The following ETV6 variants were observed in gnomAD, a reference collection of about 807,000 sequenced individuals.
The protein encoded by ETV6 is transcription factor ETV6.
In ETV6, 16 loss-of-function variants were observed where a neutral mutation model predicts 51.1. That is an observed-to-expected ratio of 0.31 (90% CI 0.21 to 0.48). The LOEUF (loss-of-function observed/expected upper bound fraction) is 0.48, where lower values mean the gene tolerates loss of function less well. Ranked by LOEUF, ETV6 falls within the 20% of genes least tolerant of loss-of-function variation. ETV6 has a pLI of 0.99. For missense variants in ETV6, 458 were observed against 594.8 expected (o/e 0.77, Z 2.39); for synonymous variants, 240 against 224.1 (o/e 1.07, Z -0.64).
intron 2 of ETV6, among the ~76,000 whole-genome samples, chr12:11,792,025 G>A (rs1355947617): frequency 6.6e-6 from 1 of 152,206 alleles, no homozygotes; most frequent in Non-Finnish European, 1.5e-5. Flanking sequence ...ACAGCAAGAT[G>A]AAGCAAGGAG....
intron 5 of ETV6, among the ~76,000 whole-genome samples, chr12:11,880,953 TAC>T (rs1347698590): frequency 6.6e-6 from 1 of 152,158 alleles, no homozygotes; most frequent in African/African-American, 2.4e-5. Context: ...CCCCTAGAGA[TAC>T]AGTCTCACTC....
At chr12:11,858,452 A>G (rs1946664823) in intron 4 of ETV6, among the ~76,000 whole-genome samples, 2 of 151,914 alleles carry the variant, frequency 1.3e-5, no homozygotes, top group South Asian at 4.1e-4. Flanking sequence ...CTACTGGAAT[A>G]TTGGCCCCCC....
intron 1 of ETV6, among the ~76,000 whole-genome samples, chr12:11,679,159 A>G (rs1864478002): frequency 6.6e-6 from 1 of 152,232 alleles, no homozygotes; most frequent in African/African-American, 2.4e-5. Context: ...TACAATTTCT[A>G]ACACAATCTG....
At chr12:11,863,765 A>AG (rs1432613609) in intron 4 of ETV6, among the ~76,000 whole-genome samples, 1 of 152,182 alleles carries the variant, frequency 6.6e-6, no homozygotes, top group African/African-American at 2.4e-5. Context: ...GTAAGTTTCC[A>AG]TGCCCTGCTG....
At chr12:11,734,174 G>A (rs1865657574) in intron 1 of ETV6, among the ~76,000 whole-genome samples, 1 of 152,190 alleles carries the variant, frequency 6.6e-6, no homozygotes, top group Non-Finnish European at 1.5e-5. Context: ...ACAGTTTGCA[G>A]AGGCACTTGA....
chr12:11,844,045 G>A (rs1946427181), intron 3 of ETV6, among the ~76,000 whole-genome samples: 1 of 151,838 alleles, frequency 6.6e-6, no homozygotes, highest in African/African-American at 2.4e-5. Context: ...AACTGGTTCT[G>A]AAGTGATTTA....
intron 5 of ETV6, 55 bp downstream of exon 5, chr12:11,870,024 A>ACT: frequency 6.5e-7 from 1 of 1,533,694 alleles, no homozygotes; most frequent in East Asian, 2.3e-5. Flanking sequence ...ACAAAGTCCC[A>ACT]CTCTCCCCTG....
At chr12:11,746,871 G>A (rs930835870) in intron 1 of ETV6, among the ~76,000 whole-genome samples, 1 of 143,272 alleles carries the variant, frequency 7.0e-6, no homozygotes, top group Non-Finnish European at 1.5e-5. Context: ...AAGATGCTTT[G>A]ACTTAATTGT....
intron 1 of ETV6, among the ~76,000 whole-genome samples, chr12:11,714,355 T>A (rs1865229939): frequency 6.6e-6 from 1 of 152,314 alleles, no homozygotes; most frequent in South Asian, 2.1e-4. Flanking sequence ...CAACATCTCA[T>A]GGGCTTGCCT....
intron 1 of ETV6, among the ~76,000 whole-genome samples, chr12:11,653,192 GC>G (rs1413026977): frequency 6.6e-6 from 1 of 152,186 alleles, no homozygotes; most frequent in African/African-American, 2.4e-5. Flanking sequence ...AAAGAGGATT[GC>G]CTGGCTGACT....
chr12:11,654,715 A>G (rs1863967638), intron 1 of ETV6, among the ~76,000 whole-genome samples: 2 of 152,082 alleles, frequency 1.3e-5, no homozygotes, highest in East Asian at 1.9e-4. Context: ...TTGCATCAAT[A>G]TATGTATATA....
chr12:11,892,739 T>A lies in ETV6; in HGVS notation c.*1693T>A. 1 of 233,100 alleles carries A rather than the reference T, an allele frequency of 4.3e-6. No individual in the cohort carries two copies. The allele number at this position is 233,100 out of a possible 1,614,324, so 14.4% of individuals were successfully genotyped here. On this transcript the variant is annotated 3_prime_UTR_variant, in exon 8 of 8. Transcript: ENST00000396373. ...AGGTGAAGTTACCAGACCCCTGGGCTTCTCCCCAGCTTTTTCTGAGTTGAG... is the reference window on the plus strand; with the variant it reads ...AGGTGAAGTTACCAGACCCCTGGGCATCTCCCCAGCTTTTTCTGAGTTGAG...
chr12:11,801,042 CA>C (rs1322566711), intron 2 of ETV6, among the ~76,000 whole-genome samples: 1 of 152,134 alleles, frequency 6.6e-6, no homozygotes, highest in African/African-American at 2.4e-5. Context: ...AAATTAAAAG[CA>C]AAAATATAGG....
intron 2 of ETV6, among the ~76,000 whole-genome samples, chr12:11,791,776 T>C (rs1033472695): frequency 2.6e-5 from 4 of 152,240 alleles, no homozygotes; most frequent in Admixed American, 2.6e-4. Flanking sequence ...ATGCTGTTTT[T>C]TTTTAATAAT....
chr12:11,734,523 A>G (rs537186440), intron 1 of ETV6, among the ~76,000 whole-genome samples: 2 of 147,446 alleles, frequency 1.4e-5, no homozygotes, highest in East Asian at 1.9e-4. Flanking sequence ...GAGCAAAAAA[A>G]AAAAAGAAAA....
intron 2 of ETV6, among the ~76,000 whole-genome samples, chr12:11,807,338 C>T (rs1945843429): frequency 6.6e-6 from 1 of 152,158 alleles, no homozygotes; most frequent in African/African-American, 2.4e-5. Flanking sequence ...TTTTATTTAA[C>T]ACATGCAGAA....
At chr12:11,780,199 C>G (rs1346578868) in intron 2 of ETV6, among the ~76,000 whole-genome samples, 1 of 152,126 alleles carries the variant, frequency 6.6e-6, no homozygotes, top group Admixed American at 6.5e-5. Context: ...GTTACAACCT[C>G]TAGTTTGATA....
intron 1 of ETV6, among the ~76,000 whole-genome samples, chr12:11,714,892 A>G (rs1444254291): frequency 1.3e-5 from 2 of 152,160 alleles, no homozygotes; most frequent in Admixed American, 6.5e-5. Context: ...GGGTTGGAGT[A>G]TGGTCAGTTC....
In ETV6 at chr12:11,878,806, CTAGAA is replaced by C. The variant is rs1947036076; in HGVS notation, c.1010-5634_1010-5630del. 3.7e-5 allele frequency among the ~76,000 whole-genome samples: 5 copies of C among 135,924 alleles called. No individual in the cohort carries two copies. In the Admixed American group the frequency reaches 4.0e-4, roughly 11 times the overall value. The allele number at this position is 135,924 out of a possible 152,430, so 89.2% of individuals were successfully genotyped here. A position where few individuals can be genotyped will look rare whatever the true frequency, so the allele number is the denominator to read the frequency against. ...TTTCTGCTTCTAGGTAATGGCTGAT[CTAGAA>C]TAGAGGAGGAGGAGGGGAAAAAAAA... is the stretch of plus-strand genomic sequence containing the variant. On this transcript the variant is annotated intron_variant, in intron 5 of 7. Transcript: ENST00000396373.
Sources: gnomAD v4.1 joint callset for allele counts (sites outside exome capture counted in the v4.1 genomes callset) on GRCh38, gnomAD v4.1.1 for gene constraint, MANE v1.5 for transcripts, NCBI Gene and HGNC (gene_info 2026-07-23, HGNC 2026-07-21) for gene names.